The following NRG1 variants were observed in gnomAD, a reference collection of about 807,000 sequenced individuals.
NRG1 encodes neuregulin 1.
NRG1 carries 18 observed loss-of-function variants against 63.8 expected under a neutral mutation model. That is an observed-to-expected ratio of 0.28 (90% CI 0.19 to 0.42). NRG1 has a LOEUF of 0.42. NRG1 is among the 10% of genes least tolerant of loss of function. The pLI, the probability that NRG1 is intolerant of heterozygous loss-of-function variation, is 1.00. For missense variants in NRG1, 762 were observed against 814.7 expected (o/e 0.94, Z 0.79); for synonymous variants, 302 against 301.3 (o/e 1.00, Z -0.02).
At chr8:32,524,987 C>T (rs1830684181) in intron 1 of NRG1, among the ~76,000 whole-genome samples, 1 of 152,218 alleles carries the variant, frequency 6.6e-6, no homozygotes, top group Admixed American at 6.5e-5. Flanking sequence ...TAAGTTTTTG[C>T]AAACAAATAT....
Position 32,614,578 on chromosome 8 carries a change from G to A in NRG1, c.451+14G>A. 1 of 1,610,270 alleles carries A rather than the reference G, an allele frequency of 6.2e-7. No homozygotes were observed. The highest frequency in any genetic ancestry group is 8.5e-7 in the Non-Finnish European group (1 of 1,177,408). ...ATGTGTCTTCAGGTAAGGAAAATAA[G>A]CCTGGCAAATTTTACTAACCAGAAT... On this transcript the variant is annotated intron_variant, in intron 4 of 11. Coordinates refer to ENST00000356819, the Ensembl canonical transcript of NRG1.
intron 5 of NRG1, among the ~76,000 whole-genome samples, chr8:32,617,115 A>G (rs965569687): frequency 2.6e-5 from 4 of 152,184 alleles, no homozygotes; most frequent in African/African-American, 9.7e-5. Context: ...CCACAAATGT[A>G]TCAGTTTTAG....
At chr8:32,738,574 T>C (rs1256745593) in intron 6 of NRG1, among the ~76,000 whole-genome samples, 2 of 152,216 alleles carry the variant, frequency 1.3e-5, no homozygotes, top group African/African-American at 4.8e-5. Flanking sequence ...AGGTTTGATT[T>C]ACTGTTATTC....
chr8:31,840,943 T>G (rs893041781), intron 1 of NRG1, among the ~76,000 whole-genome samples: 1 of 152,198 alleles, frequency 6.6e-6, no homozygotes, highest in Non-Finnish European at 1.5e-5. Flanking sequence ...TAGTATGTAT[T>G]CATTCATTCA....
At chr8:32,562,829 C>A (rs4316112) in intron 1 of NRG1, among the ~76,000 whole-genome samples, 30,396 of 152,102 alleles carry the variant, frequency 0.2, 3,873 homozygotes, top group Admixed American at 0.33. Flanking sequence ...GGAGGACTAA[C>A]TGTATATGAT....
At chr8:32,764,426 A>G (rs1469788818) in exon 12 of NRG1, 2 of 1,494,490 alleles carry the variant, frequency 1.3e-6, no homozygotes, top group Non-Finnish European at 1.8e-6. Context: ...ACATAGATTC[A>G]CCTGTAAAAC....
At chr8:32,419,644 CTT>C (rs372131645) in intron 1 of NRG1, among the ~76,000 whole-genome samples, 1 of 152,134 alleles carries the variant, frequency 6.6e-6, no homozygotes, top group Admixed American at 6.6e-5. Context: ...TAAAACCATT[CTT>C]TTTTTGTTAA....
At chr8:31,848,155 A>G (rs1481952499) in intron 1 of NRG1, among the ~76,000 whole-genome samples, 1 of 152,232 alleles carries the variant, frequency 6.6e-6, no homozygotes, top group Non-Finnish European at 1.5e-5. Flanking sequence ...GAATAATGAA[A>G]TACCAGATAG....
chr8:31,896,532 T>A (rs1585580522), intron 1 of NRG1, among the ~76,000 whole-genome samples: 1 of 152,206 alleles, frequency 6.6e-6, no homozygotes, highest in East Asian at 1.9e-4. Flanking sequence ...CTCATCTGCC[T>A]GGTGACCTTG....
At chr8:32,207,369 C>T (rs1403952506) in intron 1 of NRG1, among the ~76,000 whole-genome samples, 1 of 152,128 alleles carries the variant, frequency 6.6e-6, no homozygotes, top group African/African-American at 2.4e-5. Flanking sequence ...ATTACTTTTG[C>T]ATCAACCTAA....
At chr8:32,606,274 T>G (rs1563753075) in intron 3 of NRG1, among the ~76,000 whole-genome samples, 1 of 151,690 alleles carries the variant, frequency 6.6e-6, no homozygotes, top group Non-Finnish European at 1.5e-5. Flanking sequence ...CTGGCAATTT[T>G]ATTCCCATTA....
intron 1 of NRG1, among the ~76,000 whole-genome samples, chr8:32,366,841 G>T (rs1808125628): frequency 6.6e-6 from 1 of 151,256 alleles, no homozygotes; most frequent in South Asian, 2.1e-4. Flanking sequence ...CTCCCAAAAA[G>T]CTGGGACTAC....
In NRG1 at chr8:32,165,726, T is replaced by C. The variant is rs554317900; in HGVS notation, c.38-430102T>C. Among the ~76,000 whole-genome samples the C allele has an allele frequency of 4.6e-5, 7 of 152,294 alleles. No individual in the cohort carries two copies. In the South Asian group the frequency reaches 1.2e-3, roughly 27 times the overall value. ...AGTGTAAGCTGTGTGAGGGCATTGT[T>C]TGTATCAGATGTCTGAACCTCTTTA... On this transcript the variant is annotated intron_variant, in intron 1 of 10. Transcript: ENST00000519301.
At chr8:32,269,901 C>G (rs1851368071) in intron 1 of NRG1, among the ~76,000 whole-genome samples, 1 of 152,128 alleles carries the variant, frequency 6.6e-6, no homozygotes, top group Non-Finnish European at 1.5e-5. Context: ...AGCAATTTAA[C>G]AACCATTGCT....
chr8:31,745,369 C>T (rs532181530), intron 1 of NRG1, among the ~76,000 whole-genome samples: 47 of 151,882 alleles, frequency 3.1e-4, no homozygotes, highest in African/African-American at 1.0e-3. Context: ...ATATAGGAGT[C>T]GTGGCGGCCA....
chr8:32,284,414 T>C (rs549254138), intron 1 of NRG1, among the ~76,000 whole-genome samples: 1 of 152,232 alleles, frequency 6.6e-6, no homozygotes, highest in African/African-American at 2.4e-5. Flanking sequence ...AATATCTCTA[T>C]TGAAATAGTC....
intron 1 of NRG1, among the ~76,000 whole-genome samples, chr8:32,176,715 A>G (rs1840776814): frequency 6.6e-6 from 1 of 152,234 alleles, no homozygotes; most frequent in African/African-American, 2.4e-5. Context: ...CAACCAAAAG[A>G]CACATGAAAA....
chr8:31,866,177 A>G (rs1413112654), intron 1 of NRG1, among the ~76,000 whole-genome samples: 3 of 152,190 alleles, frequency 2.0e-5, no homozygotes, highest in African/African-American at 7.2e-5. Context: ...CTAGTTCTAT[A>G]GGTAACTCTA....
At chr8:32,126,780 T>C (rs1834119584) in intron 1 of NRG1, among the ~76,000 whole-genome samples, 1 of 151,940 alleles carries the variant, frequency 6.6e-6, no homozygotes, top group Middle Eastern at 3.2e-3. Flanking sequence ...CAATTTTCTC[T>C]CTGCCAAATA....
Sources: gnomAD v4.1 joint callset for allele counts (sites outside exome capture counted in the v4.1 genomes callset) on GRCh38, gnomAD v4.1.1 for gene constraint, MANE v1.5 for transcripts, NCBI Gene and HGNC (gene_info 2026-07-23, HGNC 2026-07-21) for gene names.